ARNT2: variants seen among roughly 807,000 people sequenced by gnomAD.
ARNT2 encodes aryl hydrocarbon receptor nuclear translocator 2, also known as ARNT protein 2.
ARNT2 carries 36 observed loss-of-function variants against 91.7 expected under a neutral mutation model. The ratio of observed to expected loss-of-function variants is 0.39; its 90% confidence interval spans 0.30 to 0.52. The LOEUF (loss-of-function observed/expected upper bound fraction) is 0.52. ARNT2 is among the 20% of genes least tolerant of loss of function. ARNT2 has a pLI of 0.72. For synonymous variants in ARNT2, 365 were observed against 347.1 expected, an observed-to-expected ratio of 1.05 and a Z score of -0.57; for missense variants, 775 against 939.3, an observed-to-expected ratio of 0.83 and a Z score of 2.29.
At chr15:80,574,310 A>G (rs1244503096) in intron 13 of ARNT2, 90 bp downstream of exon 13, 2 of 1,287,776 alleles carry the variant, frequency 1.6e-6, no homozygotes, top group South Asian at 2.4e-5. Flanking sequence ...GAGCCCCTCA[A>G]CACAAAGGAT....
intron 1 of ARNT2, among the ~76,000 whole-genome samples, chr15:80,423,953 A>G (rs1209239264): frequency 6.6e-6 from 1 of 152,224 alleles, no homozygotes; most frequent in Non-Finnish European, 1.5e-5. Context: ...GCTAGCAGTT[A>G]CTTAAGGCAC....
intron 1 of ARNT2, among the ~76,000 whole-genome samples, chr15:80,427,767 AC>A (rs1466387154): frequency 6.6e-6 from 1 of 152,220 alleles, no homozygotes; most frequent in Admixed American, 6.5e-5. Flanking sequence ...GGGACATACA[AC>A]TGTTTAGTTT....
At chr15:80,456,022 A>G (rs1052464390) in intron 2 of ARNT2, among the ~76,000 whole-genome samples, 2 of 152,202 alleles carry the variant, frequency 1.3e-5, no homozygotes, top group African/African-American at 4.8e-5. Context: ...TCTGCAGAAC[A>G]CCGGGTGAAT....
chr15:80,553,407 T>G (rs1394804768), intron 10 of ARNT2, among the ~76,000 whole-genome samples: 2 of 152,214 alleles, frequency 1.3e-5, no homozygotes, highest in Non-Finnish European at 2.9e-5. Context: ...TTGGGTGATG[T>G]CATTGAATAA....
intron 17 of ARNT2, among the ~76,000 whole-genome samples, chr15:80,582,388 CAGGAGGCTAAGGTGGGA>C (rs1310257174): frequency 1.3e-5 from 2 of 151,326 alleles, no homozygotes; most frequent in African/African-American, 4.9e-5. Context: ...TCCAGCTACT[CAGGAGGCTAAGGTGGGA>C]GGATCATTTG....
chr15:80,526,653 T>G (rs1897644874), intron 8 of ARNT2, among the ~76,000 whole-genome samples: 1 of 152,194 alleles, frequency 6.6e-6, no homozygotes. Flanking sequence ...TTGGCTCCCT[T>G]GTGTGCTTTC....
At chr15:80,504,203 C>T (rs1020353757) in intron 5 of ARNT2, among the ~76,000 whole-genome samples, 3 of 152,190 alleles carry the variant, frequency 2.0e-5, no homozygotes, top group Non-Finnish European at 2.9e-5. Context: ...GCTGCAAAGC[C>T]GCAGCTCTCC....
intron 12 of ARNT2, among the ~76,000 whole-genome samples, chr15:80,565,599 G>T (rs1898465496): frequency 6.7e-6 from 1 of 149,752 alleles, no homozygotes. Flanking sequence ...GTATCTCATT[G>T]TGGTTTTGAT....
chr15:80,485,211 G>A (rs909944185), intron 5 of ARNT2, among the ~76,000 whole-genome samples: 2 of 152,248 alleles, frequency 1.3e-5, no homozygotes, highest in Non-Finnish European at 2.9e-5. Flanking sequence ...GACAAGGGAA[G>A]ATGGGTAGGC....
chr15:80,457,930 A>G lies in ARNT2; in HGVS notation c.148A>G (p.Met50Val), dbSNP rs750901658. The G allele has an allele frequency of 6.2e-7, 1 of 1,614,020 alleles. No homozygotes were observed. Among genetic ancestry groups the G allele is most frequent in the Admixed American group, 1.7e-5 (1 of 60,010 alleles). ...TCACTTGTGATCTTGACTTTTCAGA[A>G]TGGACTTCGATGATGAAGATGGTGA... Reference protein sequence around the residue: ...PARGGKRRSGMDFDDEDGEGP... With the variant: ...PARGGKRRSGVDFDDEDGEGP... The change falls in exon 3 of 19, where the codon ATG (methionine) becomes GTG (valine). Residue 50 changes from methionine to valine, a missense_variant and splice_region_variant. By Grantham distance (21) the Met-to-Val change is conservative. Transcript: ENST00000303329.
chr15:80,505,097 C>T (rs915943009), intron 5 of ARNT2, among the ~76,000 whole-genome samples: 5 of 152,212 alleles, frequency 3.3e-5, no homozygotes, highest in Non-Finnish European at 7.3e-5. Context: ...ACATTTGTCG[C>T]TTGCCTCCTG....
chr15:80,596,096 A>T lies in ARNT2; in HGVS notation c.*2398A>T, dbSNP rs1487834938. The T allele has an allele frequency of 1.3e-5, 2 of 152,228 alleles. No individual in the cohort carries two copies. Among genetic ancestry groups the T allele is most frequent in the African/African-American group, 4.8e-5 (2 of 41,454 alleles). The allele number at this position is 152,228 out of a possible 1,614,324, so 9.4% of individuals were successfully genotyped here. A position where few individuals can be genotyped will look rare whatever the true frequency, so the allele number is the denominator to read the frequency against. On this transcript the variant is annotated 3_prime_UTR_variant, in exon 19 of 19. Transcript: ENST00000303329. The stretch of plus-strand genomic sequence containing the variant: ...CACGCTGACTGTGAACCTGCCCTGT[A>T]TCCGGAGCTGTGCTGGGCACTGAGG...
chr15:80,433,110 A>G (rs1475579162), intron 1 of ARNT2, among the ~76,000 whole-genome samples: 2 of 152,058 alleles, frequency 1.3e-5, no homozygotes, highest in Non-Finnish European at 2.9e-5. Context: ...ACTTTGTTTC[A>G]TAAAACCTCT....
rs376706310 is a variant in ARNT2, at chr15:80,450,938, C to G, written c.90C>G (p.Thr30=). The part of the protein sequence containing the change: ...VTLPVAPMAA[T]GQVRMAGAMP... ...TGCCCGTTGCCCCCATGGCGGCCAC[C>G]GGACAGGTGAGGATGGCGGGGGCCA... Residue 30 remains threonine (T), a synonymous_variant, in exon 2 of 19, where the codon ACC becomes ACG. Transcript: ENST00000303329. The G allele has an allele frequency of 1.2e-6, 2 of 1,614,082 alleles. No individual in the cohort carries two copies. The highest frequency in any genetic ancestry group is 1.7e-6 in the Non-Finnish European group (2 of 1,180,058).
At chr15:80,522,301 C>T (rs1169199737) in intron 8 of ARNT2, among the ~76,000 whole-genome samples, 2 of 152,128 alleles carry the variant, frequency 1.3e-5, no homozygotes, top group African/African-American at 4.8e-5. Flanking sequence ...TATAACCTGC[C>T]TAAACTCATA....
intron 11 of ARNT2, among the ~76,000 whole-genome samples, chr15:80,561,318 G>A (rs573089035): frequency 6.6e-6 from 1 of 152,202 alleles, no homozygotes; most frequent in Non-Finnish European, 1.5e-5. Context: ...CCCTGATCTG[G>A]GGTCTGCACA....
At chr15:80,592,324 C>G (rs1893294063) in intron 18 of ARNT2, among the ~76,000 whole-genome samples, 1 of 152,182 alleles carries the variant, frequency 6.6e-6, no homozygotes, top group Non-Finnish European at 1.5e-5. Context: ...CCTTTGTGGG[C>G]TTCCTTGGCT....
intron 11 of ARNT2, chr15:80,560,258 GAA>G (rs1475703755): frequency 6.6e-6 from 1 of 152,346 alleles, no homozygotes; most frequent in Non-Finnish European, 1.5e-5. Context: ...TGGGGAGAGA[GAA>G]TGTGCATTGG....
At chr15:80,442,880 T>C (rs1957579967) in intron 1 of ARNT2, 1 of 985,314 alleles carries the variant, frequency 1.0e-6, no homozygotes, top group African/African-American at 1.7e-5. Context: ...ATTTTCCCTT[T>C]TTGGGATCTG....
Sources: gnomAD v4.1 joint callset for allele counts (sites outside exome capture counted in the v4.1 genomes callset) on GRCh38, gnomAD v4.1.1 for gene constraint, MANE v1.5 for transcripts, NCBI Gene and HGNC (gene_info 2026-07-23, HGNC 2026-07-21) for gene names.